Variants in ARHGAP27 observed in about 807,000 individuals in gnomAD.
ARHGAP27 encodes rho GTPase-activating protein 27.
In ARHGAP27, 53 loss-of-function variants were observed where a neutral mutation model predicts 102.0. The ratio of observed to expected loss-of-function variants is 0.52; its 90% CI spans 0.42 to 0.65. The LOEUF (loss-of-function observed/expected upper bound fraction) is 0.65. Among genes scored for constraint, ARHGAP27 ranks in the 30% least tolerant of loss-of-function variants. The pLI is 0.00. For synonymous variants in ARHGAP27, 525 were observed against 542.8 expected (o/e 0.97, Z 0.46); for missense variants, 1,117 against 1,256.2 (o/e 0.89, Z 1.68).
chr17:45,400,772 G>A (rs887309357), intron 12 of ARHGAP27, among the ~76,000 whole-genome samples: 6 of 151,998 alleles, frequency 3.9e-5, no homozygotes, highest in Admixed American at 1.3e-4. Context: ...AAAATTAGCC[G>A]GGTATGGTGG....
chr17:45,395,941 C>A, intron 18 of ARHGAP27, 42 bp downstream of exon 18: 1 of 1,574,802 alleles, frequency 6.3e-7, no homozygotes, highest in South Asian at 1.2e-5. Context: ...GGTGCCCCGC[C>A]ACGCCCCTAC....
At chr17:45,431,990 C>T (rs1466049982) in intron 2 of ARHGAP27, among the ~76,000 whole-genome samples, 2 of 150,894 alleles carry the variant, frequency 1.3e-5, no homozygotes, top group Non-Finnish European at 3.0e-5. Flanking sequence ...CCCGCTCCGC[C>T]TTCCCCCTCT....
chr17:45,408,664 C>T (rs546762934), intron 4 of ARHGAP27: 23 of 152,448 alleles, frequency 1.5e-4, no homozygotes, highest in African/African-American at 5.3e-4. Flanking sequence ...CCTCCCACCT[C>T]GAAGCGTTTG....
At chr17:45,413,019 A>C (rs2048089484) in intron 4 of ARHGAP27, among the ~76,000 whole-genome samples, 2 of 106,742 alleles carry the variant, frequency 1.9e-5, no homozygotes, top group Non-Finnish European at 3.4e-5. Flanking sequence ...TCACTCTGTC[A>C]CCCAGGCTGG....
chr17:45,405,240 G>A lies in ARHGAP27; in HGVS notation c.1066-134C>T, dbSNP rs974451662. On this transcript the variant is annotated intron_variant, in intron 5 of 19. Transcript: ENST00000685559. ...GGGAGCAGGAGGCGGGGTCAGAAGC[G>A]CTCAGAGGTAGCTCCGCACCTCACC... 25 of 985,060 alleles carry A rather than the reference G, an allele frequency of 2.5e-5. No homozygotes were observed. The African/African-American group carries it at 3.8e-4, about 15-fold the overall frequency. 61.0% of individuals were successfully genotyped at this position (985,060 alleles called of 1,614,324 possible).
intron 12 of ARHGAP27, among the ~76,000 whole-genome samples, chr17:45,398,376 C>T (rs2045996589): frequency 1.3e-5 from 2 of 152,182 alleles, no homozygotes; most frequent in Admixed American, 6.5e-5. Flanking sequence ...CATCCTGCCT[C>T]CCTGCAAGCC....
intron 4 of ARHGAP27, among the ~76,000 whole-genome samples, chr17:45,417,118 T>G (rs2048546617): frequency 6.7e-6 from 1 of 149,250 alleles, no homozygotes; most frequent in Non-Finnish European, 1.5e-5. Context: ...ATCGAGCCAT[T>G]GCACTCCAGC....
At chr17:45,396,420 T>C in intron 16 of ARHGAP27, 67 bp downstream of exon 16, 1 of 1,470,566 alleles carries the variant, frequency 6.8e-7, no homozygotes, top group Non-Finnish European at 9.0e-7. Flanking sequence ...GTCTCCAGCC[T>C]GCGGTCCTGG....
intron 4 of ARHGAP27, among the ~76,000 whole-genome samples, chr17:45,420,291 A>C (rs1230166033): frequency 1.6e-5 from 2 of 128,202 alleles, no homozygotes; most frequent in African/African-American, 5.3e-5. Context: ...AAAAGTAAAC[A>C]AGGTTTTTGT....
chr17:45,411,472 C>A (rs2047901269), intron 4 of ARHGAP27, among the ~76,000 whole-genome samples: 2 of 152,074 alleles, frequency 1.3e-5, no homozygotes, highest in Admixed American at 1.3e-4. Flanking sequence ...TGTCTCTCAG[C>A]CCCTCTTCTC....
Position 45,427,773 on chromosome 17 carries a change from C to T in ARHGAP27, c.657+1850G>A, listed in dbSNP as rs1207574376. ...AGAGCTGCCTGTCTCTGGCCAATGT[C>T]CTAGATTCCCCCCCTGGGTAAGTCC... On this transcript the variant is annotated intron_variant, in intron 4 of 19. Coordinates refer to ENST00000685559, the MANE Select transcript of ARHGAP27 (RefSeq NM_001282290.2). The surrounding 1 kb of genome is among the most constrained non-coding windows in gnomAD (Gnocchi z 4.5). 6.6e-6 allele frequency among the ~76,000 whole-genome samples: 1 copy of T among 152,186 alleles called. No homozygotes were observed. Among genetic ancestry groups the T allele is most frequent in the Non-Finnish European group, 1.5e-5 (1 of 68,024 alleles).
intron 13 of ARHGAP27, chr17:45,397,588 T>TA (rs577571627): frequency 2.8e-5 from 7 of 249,324 alleles, no homozygotes; most frequent in Non-Finnish European, 5.3e-5. Flanking sequence ...TTTTCAGCCT[T>TA]AAAAAAATGG....
Position 45,404,940 on chromosome 17 carries a change from T to G in ARHGAP27, c.1232A>C (p.His411Pro), listed in dbSNP as rs775292988. ...SQDKQMLYTN[H>P]FTQEQWVRLE... ...TGCCCCTACCTGCTCCTGAGTGAAG[T>G]GGTTGGTGTAGAGCATCTGCTTGTC... Residue 411 changes from histidine (H) to proline (P), a missense_variant, in exon 6 of 20, where the codon CAC becomes CCC. Around this residue, in one of 3 missense-constraint regions of ARHGAP27, gnomAD observed 610 missense variants for 716.4 expected, o/e 0.85. Transcript: ENST00000685559. 1 of 1,614,008 alleles carries G rather than the reference T, an allele frequency of 6.2e-7. No homozygotes were observed. Among genetic ancestry groups the G allele is most frequent in the South Asian group, 1.1e-5 (1 of 91,072 alleles).
In ARHGAP27 at chr17:45,430,015, C is replaced by T; in HGVS notation, c.265G>A (p.Glu89Lys). The stretch of plus-strand genomic sequence containing the variant: ...AACCGGTAGTCGTAGGCGAGCGGCT[C>T]AGGGGCCGCGGGGCTCGGGTGGGGA... ...PGPHPSPAAP[E>K]PLAYDYRFVS... is the part of the protein sequence containing the mutation. Residue 89 changes from glutamate (E) to lysine (K), a missense_variant, in exon 4 of 20, where the codon GAG (glutamate) becomes AAG (lysine). Glu to Lys is a moderately conservative substitution (Grantham distance 56). Transcript: ENST00000685559. This position sits in a 1 kb window ranked among gnomAD's most constrained non-coding sequence, Gnocchi z 4.4. 8.3e-7 allele frequency: 1 copy of T among 1,209,084 alleles called. No homozygotes were observed. Among genetic ancestry groups the T allele is most frequent in the Non-Finnish European group, 1.0e-6 (1 of 974,098 alleles). The allele number at this position is 1,209,084 out of a possible 1,614,324, so 74.9% of individuals were successfully genotyped here. A position where few individuals can be genotyped will look rare whatever the true frequency, so the allele number is the denominator to read the frequency against.
At chr17:45,405,575 A>G in intron 5 of ARHGAP27, 101 bp downstream of exon 5, 2 of 1,099,124 alleles carry the variant, frequency 1.8e-6, no homozygotes, top group Non-Finnish European at 2.4e-6. Flanking sequence ...CCGCCCACCC[A>G]TCACCACCCC....
intron 4 of ARHGAP27, among the ~76,000 whole-genome samples, chr17:45,423,656 T>C (rs1461007393): frequency 6.6e-6 from 1 of 152,200 alleles, no homozygotes; most frequent in Non-Finnish European, 1.5e-5. Flanking sequence ...GGATCTGCTG[T>C]TCAATTTCTC....
At chr17:45,396,645 C>T (rs753557312) in intron 15 of ARHGAP27, 23 bp downstream of exon 15, 22 of 1,612,770 alleles carry the variant, frequency 1.4e-5, no homozygotes, top group South Asian at 3.3e-5. Flanking sequence ...CCCGGGTCCC[C>T]GCCCCCCGCA....
At chr17:45,426,743 C>A (rs1448814481) in intron 4 of ARHGAP27, among the ~76,000 whole-genome samples, 1 of 152,160 alleles carries the variant, frequency 6.6e-6, no homozygotes, top group African/African-American at 2.4e-5. Context: ...CCCCCTCTGG[C>A]CACACTGTGT....
chr17:45,419,269 C>G, intron 4 of ARHGAP27, among the ~76,000 whole-genome samples: 1 of 152,136 alleles, frequency 6.6e-6, no homozygotes, highest in Non-Finnish European at 1.5e-5. Flanking sequence ...CCACATCTCA[C>G]TCTGTCCATG....
Sources: gnomAD v4.1 joint callset for allele counts (sites outside exome capture counted in the v4.1 genomes callset) on GRCh38, gnomAD v4.1.1 for gene constraint, gnomAD v4.1.1 regional missense constraint, Gnocchi (gnomAD v3.1) non-coding constraint, MANE v1.5 for transcripts, NCBI Gene and HGNC (gene_info 2026-07-23, HGNC 2026-07-21) for gene names.